Variants in RBMS1 observed in about 807,000 individuals in gnomAD.
RBMS1 encodes RNA-binding motif, single-stranded-interacting protein 1.
Under a neutral mutation model 62.3 loss-of-function variants are expected in RBMS1, and 17 were observed. The observed-to-expected ratio is 0.27, with a 90% CI of 0.19 to 0.41. The LOEUF is 0.41. Ranked by LOEUF, RBMS1 falls within the 10% of genes least tolerant of loss-of-function variation. The pLI, the probability that RBMS1 is intolerant of heterozygous loss-of-function variation, is 1.00. For synonymous variants in RBMS1, 172 were observed against 170.0 expected, an observed-to-expected ratio of 1.01 and a Z score of -0.09; for missense variants, 334 against 504.5, an observed-to-expected ratio of 0.66 and a Z score of 3.24.
chr2:160,460,497 T>C (rs1284129005), intron 1 of RBMS1, among the ~76,000 whole-genome samples: 1 of 152,188 alleles, frequency 6.6e-6, no homozygotes, highest in Non-Finnish European at 1.5e-5. Flanking sequence ...AGGACAACTG[T>C]GATATGACCA....
intron 1 of RBMS1, among the ~76,000 whole-genome samples, chr2:160,460,898 C>T (rs545995655): frequency 5.3e-5 from 8 of 152,204 alleles, no homozygotes; most frequent in Non-Finnish European, 1.2e-4. Flanking sequence ...TTGTCATCTC[C>T]GTCCTTCATC....
At chr2:160,314,974 C>G (rs921997509) in intron 3 of RBMS1, among the ~76,000 whole-genome samples, 3 of 152,108 alleles carry the variant, frequency 2.0e-5, no homozygotes, top group Non-Finnish European at 2.9e-5. Context: ...GAGAACCCAG[C>G]TACAATGAAA....
chr2:160,297,493 G>T (rs935644049), intron 6 of RBMS1, among the ~76,000 whole-genome samples: 12 of 152,284 alleles, frequency 7.9e-5, no homozygotes, highest in African/African-American at 2.6e-4. Context: ...AGTTGTGGTG[G>T]GCATGAAAAT....
chr2:160,439,475 C>T (rs927430072), intron 1 of RBMS1, among the ~76,000 whole-genome samples: 2 of 151,926 alleles, frequency 1.3e-5, no homozygotes, highest in African/African-American at 4.8e-5. Flanking sequence ...GGCAGAGACG[C>T]TCCTCACTTC....
intron 1 of RBMS1, chr2:160,416,130 T>C (rs1365196832): frequency 1.3e-5 from 2 of 148,460 alleles, no homozygotes; most frequent in Non-Finnish European, 3.0e-5. Flanking sequence ...GGTGAACTGA[T>C]GACAGACCTG....
intron 1 of RBMS1, among the ~76,000 whole-genome samples, chr2:160,371,969 T>C (rs1693748243): frequency 6.6e-6 from 1 of 152,230 alleles, no homozygotes; most frequent in Admixed American, 6.5e-5. Context: ...CTCTCCTCTA[T>C]GAATACAAAT....
intron 1 of RBMS1, among the ~76,000 whole-genome samples, chr2:160,394,013 TC>T (rs1320165231): frequency 1.3e-5 from 2 of 152,168 alleles, no homozygotes; most frequent in Non-Finnish European, 2.9e-5. Context: ...GATCACTTCA[TC>T]CGAAACACTA....
At chr2:160,310,575 T>G (rs750974564) in intron 4 of RBMS1, among the ~76,000 whole-genome samples, 1 of 152,178 alleles carries the variant, frequency 6.6e-6, no homozygotes, top group Non-Finnish European at 1.5e-5. Flanking sequence ...CTTGGGGAAC[T>G]TCTTGAAATA....
intron 1 of RBMS1, among the ~76,000 whole-genome samples, chr2:160,422,518 ATT>A (rs1252465416): frequency 1.3e-5 from 2 of 151,950 alleles, no homozygotes; most frequent in African/African-American, 4.8e-5. Context: ...TATTATTCTC[ATT>A]TTCAGACCTG....
At chr2:160,308,046 G>A (rs1411310896) in intron 4 of RBMS1, among the ~76,000 whole-genome samples, 1 of 152,122 alleles carries the variant, frequency 6.6e-6, no homozygotes, top group East Asian at 1.9e-4. Context: ...TAGTTCATTA[G>A]AGGAGAGTGG....
At chr2:160,420,577 C>A (rs928916134) in intron 1 of RBMS1, among the ~76,000 whole-genome samples, 1 of 152,030 alleles carries the variant, frequency 6.6e-6, no homozygotes, top group Non-Finnish European at 1.5e-5. Context: ...ATGCAGCCTG[C>A]GACAGTCAGC....
intron 10 of RBMS1, among the ~76,000 whole-genome samples, chr2:160,280,173 G>A (rs1265900984): frequency 2.0e-5 from 3 of 152,234 alleles, no homozygotes; most frequent in East Asian, 1.9e-4. Flanking sequence ...CCAAAATAGG[G>A]TAGCATGGAG....
intron 2 of RBMS1, among the ~76,000 whole-genome samples, chr2:160,358,571 G>C (rs975108100): frequency 1.3e-5 from 2 of 151,982 alleles, no homozygotes; most frequent in Non-Finnish European, 2.9e-5. Context: ...AAAATGAGTT[G>C]TTTTCTGGAA....
chr2:160,467,160 T>C (rs540187632), intron 1 of RBMS1, among the ~76,000 whole-genome samples: 1 of 148,968 alleles, frequency 6.7e-6, no homozygotes, highest in Non-Finnish European at 1.5e-5. Flanking sequence ...AGTCTGCACA[T>C]GATAACAAAA....
intron 11 of RBMS1, 181 bp from the exon 12 acceptor site, chr2:160,277,564 T>C: frequency 2.4e-6 from 1 of 413,980 alleles, no homozygotes; most frequent in Admixed American, 4.1e-5. Context: ...AACTGTTTTC[T>C]ACTTTTTGAA....
chr2:160,463,649 G>T (rs1684564059), intron 1 of RBMS1, among the ~76,000 whole-genome samples: 1 of 152,186 alleles, frequency 6.6e-6, no homozygotes, highest in African/African-American at 2.4e-5. Flanking sequence ...GCCGGGCATG[G>T]TGGCAGGTGC....
intron 1 of RBMS1, among the ~76,000 whole-genome samples, chr2:160,491,114 A>G (rs1685806493): frequency 2.6e-5 from 4 of 152,122 alleles, no homozygotes; most frequent in Admixed American, 2.6e-4. Context: ...GGGAGAGAAA[A>G]AAAAAAGGGC....
At chr2:160,295,336 A>G (rs1340778205) in intron 6 of RBMS1, among the ~76,000 whole-genome samples, 1 of 152,210 alleles carries the variant, frequency 6.6e-6, no homozygotes, top group Non-Finnish European at 1.5e-5. Context: ...GTCTAGCACA[A>G]AATTAAAAAG....
intron 2 of RBMS1, among the ~76,000 whole-genome samples, chr2:160,355,286 C>A (rs1251364318): frequency 1.3e-5 from 2 of 152,040 alleles, no homozygotes; most frequent in Admixed American, 1.3e-4. Flanking sequence ...CTCTCTTCTG[C>A]ACTGAAGATT....
Sources: gnomAD v4.1 joint callset for allele counts (sites outside exome capture counted in the v4.1 genomes callset) on GRCh38, gnomAD v4.1.1 for gene constraint, MANE v1.5 for transcripts, NCBI Gene and HGNC (gene_info 2026-07-23, HGNC 2026-07-21) for gene names.